GHR: variants seen among roughly 807,000 people sequenced by gnomAD.
GHR encodes the protein GH receptor.
In GHR, 35 loss-of-function variants were observed where a neutral mutation model predicts 67.1. That is an observed-to-expected ratio of 0.52 (90% CI 0.40 to 0.69). The LOEUF (loss-of-function observed/expected upper bound fraction) is 0.69, where lower values mean the gene tolerates loss of function less well. Among genes scored for constraint, GHR ranks in the 30% least tolerant of loss-of-function variants. The probability of loss-of-function intolerance (pLI) is 0.00; values close to 1 mark genes in which losing one functional copy is unlikely to be tolerated. For synonymous variants in GHR, 272 were observed against 269.1 expected (o/e 1.01, Z -0.10); for missense variants, 792 against 764.6 (o/e 1.04, Z -0.42).
chr5:42,601,506 C>CA, intron 2 of GHR, among the ~76,000 whole-genome samples: 1 of 152,062 alleles, frequency 6.6e-6, no homozygotes, highest in African/African-American at 2.4e-5. Flanking sequence ...GACCCTGACC[C>CA]AATAATAGTT....
chr5:42,560,383 G>A (rs918089365), intron 1 of GHR, among the ~76,000 whole-genome samples: 3 of 151,720 alleles, frequency 2.0e-5, no homozygotes, highest in Admixed American at 1.3e-4. Flanking sequence ...TGGTAGAGAC[G>A]GGGTTTCACC....
At chr5:42,696,655 C>T (rs1757687827) in intron 5 of GHR, among the ~76,000 whole-genome samples, 1 of 152,138 alleles carries the variant, frequency 6.6e-6, no homozygotes, top group African/African-American at 2.4e-5. Context: ...CTGGAGAAAT[C>T]ATCAGTAGTT....
chr5:42,716,957 G>A (rs1387978558), intron 8 of GHR, among the ~76,000 whole-genome samples: 1 of 152,082 alleles, frequency 6.6e-6, no homozygotes, highest in African/African-American at 2.4e-5. Context: ...AAAATTAAAT[G>A]AATTGTTTGG....
intron 2 of GHR, among the ~76,000 whole-genome samples, chr5:42,627,308 A>G (rs547541630): frequency 1.3e-5 from 2 of 152,268 alleles, no homozygotes; most frequent in East Asian, 3.9e-4. Flanking sequence ...ATCTTTTTTT[A>G]AAAAATTGTT....
intron 1 of GHR, among the ~76,000 whole-genome samples, chr5:42,500,121 T>C (rs995867536): frequency 1.3e-5 from 2 of 152,214 alleles, no homozygotes; most frequent in African/African-American, 2.4e-5. Flanking sequence ...CAGCAGCCCT[T>C]CCTTCATGGC....
chr5:42,646,198 A>C (rs1345911824), intron 3 of GHR: 1 of 273,294 alleles, frequency 3.7e-6, no homozygotes, highest in East Asian at 9.7e-5. Flanking sequence ...AGAGAGGTAC[A>C]CTGAAAATGA....
intron 2 of GHR, among the ~76,000 whole-genome samples, chr5:42,609,834 T>C (rs1450969036): frequency 6.6e-6 from 1 of 152,206 alleles, no homozygotes; most frequent in East Asian, 1.9e-4. Context: ...AAAACAACCT[T>C]ACCATCTGTG....
chr5:42,507,141 T>G (rs1024307645), intron 1 of GHR, among the ~76,000 whole-genome samples: 1 of 152,222 alleles, frequency 6.6e-6, no homozygotes, highest in South Asian at 2.1e-4. Context: ...TCCCAAATAA[T>G]CTAATGACTA....
intron 3 of GHR, among the ~76,000 whole-genome samples, chr5:42,662,020 A>C (rs1342903871): frequency 3.3e-5 from 5 of 152,200 alleles, no homozygotes; most frequent in African/African-American, 1.2e-4. Context: ...GCCATTACAT[A>C]ATGGTAAAGG....
At chr5:42,688,798 G>T in intron 3 of GHR, 92 bp from the exon 4 acceptor site, 1 of 1,164,554 alleles carries the variant, frequency 8.6e-7, no homozygotes, top group Non-Finnish European at 1.3e-6. Flanking sequence ...CTTCATCCCA[G>T]TAGTTTCTTC....
At chr5:42,463,801 G>A (rs1027177764) in intron 1 of GHR, among the ~76,000 whole-genome samples, 17 of 151,216 alleles carry the variant, frequency 1.1e-4, no homozygotes, top group Non-Finnish European at 2.4e-4. Context: ...AGACCATCCC[G>A]GCTAAAACGG....
At chr5:42,539,059 T>A (rs1171899722) in intron 1 of GHR, among the ~76,000 whole-genome samples, 1 of 152,138 alleles carries the variant, frequency 6.6e-6, no homozygotes, top group African/African-American at 2.4e-5. Context: ...CCTATTTCCT[T>A]AAATTTTTCT....
intron 2 of GHR, among the ~76,000 whole-genome samples, chr5:42,574,113 T>C (rs1220426226): frequency 6.6e-6 from 1 of 152,246 alleles, no homozygotes; most frequent in African/African-American, 2.4e-5. Context: ...ACTGACCCAC[T>C]GCATCCCTGG....
At chr5:42,467,483 T>C (rs1050146701) in intron 1 of GHR, 1 of 1,015,334 alleles carries the variant, frequency 9.8e-7, no homozygotes. Flanking sequence ...TTTTCTGTAA[T>C]GTGGAGTTTC....
At chr5:42,534,682 G>A (rs911794550) in intron 1 of GHR, among the ~76,000 whole-genome samples, 10 of 152,006 alleles carry the variant, frequency 6.6e-5, no homozygotes, top group Non-Finnish European at 1.3e-4. Flanking sequence ...ACCCAGTAGT[G>A]AGATTGCTGA....
intron 2 of GHR, among the ~76,000 whole-genome samples, chr5:42,625,841 A>G (rs922267887): frequency 1.3e-5 from 2 of 152,050 alleles, no homozygotes; most frequent in African/African-American, 4.8e-5. Flanking sequence ...CAAAGGGGGA[A>G]GGGGATTCTC....
intron 2 of GHR, among the ~76,000 whole-genome samples, chr5:42,624,170 A>G (rs1227176614): frequency 6.6e-6 from 1 of 152,180 alleles, no homozygotes; most frequent in African/African-American, 2.4e-5. Flanking sequence ...ATGTCACCAA[A>G]TGCACGATAA....
chr5:42,475,811 G>T (rs1385587771), intron 1 of GHR, among the ~76,000 whole-genome samples: 2 of 152,192 alleles, frequency 1.3e-5, no homozygotes, highest in East Asian at 1.9e-4. Flanking sequence ...GTGGGAAAAT[G>T]GAGCTTTTTC....
chr5:42,653,658 T>C (rs1485907736), intron 3 of GHR, among the ~76,000 whole-genome samples: 2 of 152,102 alleles, frequency 1.3e-5, no homozygotes, highest in Non-Finnish European at 2.9e-5. Context: ...CAGAAAATCT[T>C]GGTTGATATA....
Sources: gnomAD v4.1 joint callset for allele counts (sites outside exome capture counted in the v4.1 genomes callset) on GRCh38, gnomAD v4.1.1 for gene constraint, MANE v1.5 for transcripts, NCBI Gene and HGNC (gene_info 2026-07-23, HGNC 2026-07-21) for gene names.